Variants in MGAT5 observed in about 807,000 individuals in gnomAD.
MGAT5 encodes alpha-1,6-mannosylglycoprotein 6-beta-N-acetylglucosaminyltransferase, also known as alpha-1,6-mannosylglycoprotein 6-beta-N-acetylglucosaminyltransferase A.
Under a neutral mutation model 94.3 loss-of-function variants are expected in MGAT5, and 30 were observed. The observed-to-expected ratio is 0.32, with a 90% CI of 0.24 to 0.43. The LOEUF (loss-of-function observed/expected upper bound fraction) is 0.43. Ranked by LOEUF, MGAT5 falls within the 20% of genes least tolerant of loss-of-function variation. MGAT5 has a pLI of 1.00. For missense variants in MGAT5, 691 were observed against 905.5 expected, an observed-to-expected ratio of 0.76 and a Z score of 3.04; for synonymous variants, 310 against 322.9, an observed-to-expected ratio of 0.96 and a Z score of 0.43.
At chr2:134,124,598 G>T (rs1341187263) in intron 1 of MGAT5, among the ~76,000 whole-genome samples, 10 of 152,200 alleles carry the variant, frequency 6.6e-5, no homozygotes, top group Non-Finnish European at 5.9e-5. Context: ...TCACTGCCAG[G>T]CTGGCATTAA....
intron 4 of MGAT5, among the ~76,000 whole-genome samples, chr2:134,326,542 C>G (rs372371988): frequency 4.7e-4 from 71 of 152,156 alleles, no homozygotes; most frequent in African/African-American, 1.6e-3. Flanking sequence ...GGCCTGCATA[C>G]CACCCCAGTT....
At chr2:134,350,879 C>T (rs1679340331) in intron 9 of MGAT5, among the ~76,000 whole-genome samples, 1 of 152,108 alleles carries the variant, frequency 6.6e-6, no homozygotes, top group South Asian at 2.1e-4. Context: ...CACTTTATAA[C>T]TTCTGAGATG....
intron 1 of MGAT5, among the ~76,000 whole-genome samples, chr2:134,177,799 TGA>T: frequency 6.6e-6 from 1 of 152,240 alleles, no homozygotes; most frequent in South Asian, 2.1e-4. Context: ...ATGCTGACAA[TGA>T]GAGTGAATTG....
At chr2:134,225,158 C>T (rs1446135542) in intron 1 of MGAT5, among the ~76,000 whole-genome samples, 2 of 151,650 alleles carry the variant, frequency 1.3e-5, no homozygotes, top group South Asian at 2.1e-4. Context: ...CAGGCTCTGT[C>T]CTCTGTGACA....
At chr2:134,188,675 G>A (rs1689166037) in intron 1 of MGAT5, among the ~76,000 whole-genome samples, 1 of 152,110 alleles carries the variant, frequency 6.6e-6, no homozygotes, top group Non-Finnish European at 1.5e-5. Flanking sequence ...GGAGGTGGTG[G>A]GGGTGTGTTC....
At chr2:134,213,004 C>T (rs960047958) in intron 1 of MGAT5, among the ~76,000 whole-genome samples, 5 of 152,160 alleles carry the variant, frequency 3.3e-5, no homozygotes, top group Non-Finnish European at 5.9e-5. Context: ...TCATCTTCTC[C>T]TTGACATTGA....
intron 10 of MGAT5, among the ~76,000 whole-genome samples, chr2:134,383,010 G>A (rs1681728987): frequency 6.6e-6 from 1 of 152,186 alleles, no homozygotes; most frequent in African/African-American, 2.4e-5. Context: ...TTTGATAGAG[G>A]TGAGTCCTTT....
At chr2:134,362,197 G>A in intron 9 of MGAT5, 78 bp from the exon 10 acceptor site, 1 of 1,515,938 alleles carries the variant, frequency 6.6e-7, no homozygotes, top group South Asian at 1.3e-5. Context: ...GGGTAAGATG[G>A]CCTGTGTTAA....
chr2:134,299,870 G>A (rs1285602377), intron 2 of MGAT5, among the ~76,000 whole-genome samples: 1 of 152,124 alleles, frequency 6.6e-6, no homozygotes. Flanking sequence ...AAACCTTGCT[G>A]CTGCTTAAGA....
intron 1 of MGAT5, among the ~76,000 whole-genome samples, chr2:134,264,457 C>G (rs919303725): frequency 1.3e-5 from 2 of 152,326 alleles, no homozygotes; most frequent in South Asian, 2.1e-4. Context: ...TCTGCCCTCC[C>G]TAAGTTTACA....
intron 12 of MGAT5, among the ~76,000 whole-genome samples, chr2:134,419,514 C>T (rs1279290347): frequency 6.8e-6 from 1 of 147,432 alleles, no homozygotes; most frequent in Admixed American, 6.9e-5. Flanking sequence ...CTCATGTTCT[C>T]CTTGGAGATT....
intron 7 of MGAT5, among the ~76,000 whole-genome samples, chr2:134,343,811 A>G (rs1439278073): frequency 6.6e-6 from 1 of 152,140 alleles, no homozygotes; most frequent in Non-Finnish European, 1.5e-5. Flanking sequence ...AGCCATGCCT[A>G]TTGTTTACGT....
intron 10 of MGAT5, among the ~76,000 whole-genome samples, chr2:134,393,419 A>G (rs72851059): frequency 2.0e-5 from 3 of 152,296 alleles, no homozygotes; most frequent in Non-Finnish European, 4.4e-5. Flanking sequence ...AGAGCTGCCA[A>G]GCATAAGGAT....
At chr2:134,269,974 T>G (rs1264990729) in intron 1 of MGAT5, among the ~76,000 whole-genome samples, 1 of 152,254 alleles carries the variant, frequency 6.6e-6, no homozygotes, top group Non-Finnish European at 1.5e-5. Flanking sequence ...TGCTAGAGTA[T>G]GCAACACGAA....
At chr2:134,191,915 A>T (rs1679222968) in intron 1 of MGAT5, among the ~76,000 whole-genome samples, 1 of 137,034 alleles carries the variant, frequency 7.3e-6, no homozygotes, top group Non-Finnish European at 1.5e-5. Context: ...TGCTCACGCC[A>T]GCGGCTTCCT....
At chr2:134,167,049 G>A (rs1387328004) in intron 1 of MGAT5, among the ~76,000 whole-genome samples, 6 of 152,158 alleles carry the variant, frequency 3.9e-5, no homozygotes, top group Non-Finnish European at 2.9e-5. Context: ...GATACATTAC[G>A]AGGAACACAT....
At chr2:134,345,094 GT>G (rs754214801) in intron 8 of MGAT5, 30 bp downstream of exon 8, 15 of 1,589,294 alleles carry the variant, frequency 9.4e-6, no homozygotes, top group Admixed American at 5.1e-5. Flanking sequence ...CTGACTTAAG[GT>G]TTTTTTTCCC....
At chr2:134,432,700 T>G (rs1684950664) in intron 14 of MGAT5, among the ~76,000 whole-genome samples, 1 of 152,258 alleles carries the variant, frequency 6.6e-6, no homozygotes, top group Non-Finnish European at 1.5e-5. Flanking sequence ...GCTCTGCTTG[T>G]CACTGTGTTT....
chr2:134,438,113 C>T (rs1025253220), intron 14 of MGAT5, among the ~76,000 whole-genome samples: 5 of 151,950 alleles, frequency 3.3e-5, no homozygotes, highest in African/African-American at 1.2e-4. Context: ...ATGACACTAC[C>T]ATGGAAAATT....
Sources: allele counts gnomAD v4.1 joint callset (sites outside exome capture counted in the v4.1 genomes callset), GRCh38; gene constraint gnomAD v4.1.1; transcripts MANE v1.5; gene names NCBI Gene and HGNC (gene_info 2026-07-23, HGNC 2026-07-21).